Variants in CSMD2 observed in about 807,000 individuals in gnomAD.
CSMD2 encodes CUB and Sushi multiple domains 2.
In CSMD2, 130 loss-of-function variants were observed where a neutral mutation model predicts 398.5. That is an observed-to-expected ratio of 0.33 (90% CI 0.28 to 0.38). The LOEUF (loss-of-function observed/expected upper bound fraction) is 0.38. Ranked by LOEUF, CSMD2 falls within the 10% of genes least tolerant of loss-of-function variation. CSMD2 has a pLI of 1.00. For missense variants in CSMD2, 3,829 were observed against 4,764.9 expected, an observed-to-expected ratio of 0.80 and a Z score of 5.78; for synonymous variants, 1,828 against 1,908.5, an observed-to-expected ratio of 0.96 and a Z score of 1.10.
At chr1:33,821,461 C>T (rs1658141210) in intron 7 of CSMD2, among the ~76,000 whole-genome samples, 5 of 152,178 alleles carry the variant, frequency 3.3e-5, no homozygotes, top group Admixed American at 2.0e-4. Flanking sequence ...GGAGGAGTTC[C>T]ACTCAAAGCC....
rs1309128362 is a variant in CSMD2, at chr1:33,622,182, GGA to G, written c.5810_5811del (p.Phe1937SerfsTer20). On this transcript the variant is annotated frameshift_variant, in exon 37 of 71. Coordinates refer to ENST00000373381, the MANE Select transcript of CSMD2 (RefSeq NM_001281956.2). LOFTEE classifies it high-confidence loss of function. ...YSDISVSAAG[F>X]HLEYKTVGLS... is the part of the protein sequence containing the mutation. ...GGATTCTCACTTTTGTACTCCAAGTGGAAGCCAGCTGCAGATACGCTGATATC... is the reference window on the plus strand; with the variant it reads ...GGATTCTCACTTTTGTACTCCAAGTGAGCCAGCTGCAGATACGCTGATATC... The G allele has an allele frequency of 6.2e-7, 1 of 1,613,394 alleles. No individual in the cohort carries two copies. Among genetic ancestry groups the G allele is most frequent in the Non-Finnish European group, 8.5e-7 (1 of 1,179,468 alleles).
chr1:34,051,577 G>A (rs1653178808), intron 2 of CSMD2, among the ~76,000 whole-genome samples: 1 of 151,864 alleles, frequency 6.6e-6, no homozygotes, highest in Non-Finnish European at 1.5e-5. Flanking sequence ...ATAACTTTAT[G>A]TTATGGTATT....
chr1:33,709,056 T>G, intron 22 of CSMD2, 33 bp downstream of exon 22: 1 of 1,575,488 alleles, frequency 6.3e-7, no homozygotes, highest in Non-Finnish European at 8.7e-7. Flanking sequence ...TTGCATACTA[T>G]AACACACATA....
intron 64 of CSMD2, among the ~76,000 whole-genome samples, chr1:33,528,868 T>C (rs1236024494): frequency 6.6e-6 from 1 of 152,206 alleles, no homozygotes; most frequent in East Asian, 1.9e-4. Flanking sequence ...AAAGCATCAT[T>C]GAAAGAAATT....
At chr1:33,955,643 G>A (rs1645142860) in intron 3 of CSMD2, among the ~76,000 whole-genome samples, 1 of 152,166 alleles carries the variant, frequency 6.6e-6, no homozygotes, top group Non-Finnish European at 1.5e-5. Flanking sequence ...TACCTATATT[G>A]TAGGGTTGTG....
intron 1 of CSMD2, among the ~76,000 whole-genome samples, chr1:34,132,866 A>G (rs1638277411): frequency 6.6e-6 from 1 of 152,240 alleles, no homozygotes; most frequent in South Asian, 2.1e-4. Flanking sequence ...CTGGGTCTGC[A>G]GCTTACAGGT....
At chr1:33,622,492 G>A (rs1641836247) in intron 36 of CSMD2, among the ~76,000 whole-genome samples, 1 of 152,152 alleles carries the variant, frequency 6.6e-6, no homozygotes, top group African/African-American at 2.4e-5. Flanking sequence ...CCTGTAAGAT[G>A]AGCAGTGGCA....
chr1:33,542,254 C>A (rs897410359), intron 58 of CSMD2, among the ~76,000 whole-genome samples: 5 of 152,176 alleles, frequency 3.3e-5, no homozygotes, highest in Non-Finnish European at 7.3e-5. Flanking sequence ...GCTCAGGAAC[C>A]CGTACTGGGT....
At chr1:33,627,445 G>A (rs1399244307) in intron 32 of CSMD2, among the ~76,000 whole-genome samples, 1 of 152,130 alleles carries the variant, frequency 6.6e-6, no homozygotes, top group Non-Finnish European at 1.5e-5. Flanking sequence ...CTGCCCCCCT[G>A]CAGCCTCAGG....
At chr1:33,864,591 G>A (rs775295020) in intron 5 of CSMD2, 3 of 1,614,044 alleles carry the variant, frequency 1.9e-6, no homozygotes, top group African/African-American at 2.7e-5. Flanking sequence ...GTGGTCAACA[G>A]CGACAGACCT....
chr1:33,757,355 T>A (rs1649182752), intron 13 of CSMD2, among the ~76,000 whole-genome samples: 1 of 152,172 alleles, frequency 6.6e-6, no homozygotes, highest in African/African-American at 2.4e-5. Flanking sequence ...CACAGCAACT[T>A]AAAACATGTC....
intron 42 of CSMD2, among the ~76,000 whole-genome samples, chr1:33,603,171 G>A (rs531960246): frequency 1.3e-5 from 2 of 152,114 alleles, no homozygotes; most frequent in African/African-American, 2.4e-5. Context: ...GAGGTGAAAC[G>A]ATGCAGGCAA....
At chr1:33,716,928 G>C (rs1646191898) in intron 19 of CSMD2, among the ~76,000 whole-genome samples, 1 of 152,178 alleles carries the variant, frequency 6.6e-6, no homozygotes, top group Non-Finnish European at 1.5e-5. Flanking sequence ...CTGCAATACA[G>C]AGTGCTGAGT....
intron 44 of CSMD2, among the ~76,000 whole-genome samples, chr1:33,597,737 A>G (rs1179960195): frequency 6.6e-6 from 1 of 152,190 alleles, no homozygotes; most frequent in Non-Finnish European, 1.5e-5. Context: ...CAACCTCACA[A>G]CTCCACACAG....
At chr1:34,015,647 G>A (rs1570815619) in intron 3 of CSMD2, among the ~76,000 whole-genome samples, 1 of 152,204 alleles carries the variant, frequency 6.6e-6, no homozygotes, top group Admixed American at 6.5e-5. Flanking sequence ...CACAGGCCTG[G>A]ATCCCTGCAG....
intron 4 of CSMD2, among the ~76,000 whole-genome samples, chr1:33,925,447 C>A (rs1036556707): frequency 1.3e-5 from 2 of 152,096 alleles, no homozygotes; most frequent in African/African-American, 4.8e-5. Flanking sequence ...GTTATTATAG[C>A]CTTGTAATAT....
intron 22 of CSMD2, among the ~76,000 whole-genome samples, chr1:33,703,070 C>T (rs1448005889): frequency 6.6e-6 from 1 of 152,076 alleles, no homozygotes; most frequent in Non-Finnish European, 1.5e-5. Context: ...CTGTGCATGA[C>T]CCACACTGTT....
At chr1:33,820,717 G>A (rs1017844177) in intron 7 of CSMD2, among the ~76,000 whole-genome samples, 161 bp from the exon 8 acceptor site, 6 of 152,080 alleles carry the variant, frequency 3.9e-5, no homozygotes, top group Non-Finnish European at 7.4e-5. Context: ...GGAGTCTACT[G>A]GCCTGGGGTT....
At chr1:34,117,370 C>T (rs981895613) in intron 1 of CSMD2, among the ~76,000 whole-genome samples, 5 of 151,924 alleles carry the variant, frequency 3.3e-5, no homozygotes, top group African/African-American at 7.2e-5. Context: ...GAAATTGATA[C>T]ATTTCTAGAA....
Sources: allele counts gnomAD v4.1 joint callset (sites outside exome capture counted in the v4.1 genomes callset), GRCh38; gene constraint gnomAD v4.1.1; transcripts MANE v1.5; gene names NCBI Gene and HGNC (gene_info 2026-07-23, HGNC 2026-07-21).